SNAP25: variants seen among roughly 807,000 people sequenced by gnomAD.
SNAP25 encodes the protein synaptosome associated protein 25, also known as synaptosomal-associated protein 25.
SNAP25 carries 3 observed loss-of-function variants against 28.7 expected under a neutral mutation model. The ratio of observed to expected loss-of-function variants is 0.10; its 90% confidence interval spans 0.05 to 0.27. The LOEUF (loss-of-function observed/expected upper bound fraction) is 0.27. SNAP25 is among the 10% of genes least tolerant of loss of function. The pLI, the probability that SNAP25 is intolerant of heterozygous loss-of-function variation, is 1.00. For missense variants in SNAP25, 117 were observed against 278.7 expected, an observed-to-expected ratio of 0.42 and a Z score of 4.13; for synonymous variants, 61 against 88.1, an observed-to-expected ratio of 0.69 and a Z score of 1.72.
At chr20:10,233,992 G>A (rs2062872853) in intron 1 of SNAP25, among the ~76,000 whole-genome samples, 1 of 152,142 alleles carries the variant, frequency 6.6e-6, no homozygotes, top group Non-Finnish European at 1.5e-5. Flanking sequence ...CAGTGAAGCA[G>A]GCGAAGTTCC....
intron 5 of SNAP25, among the ~76,000 whole-genome samples, chr20:10,296,029 T>A (rs1600781997): frequency 6.6e-6 from 1 of 152,188 alleles, no homozygotes; most frequent in African/African-American, 2.4e-5. Context: ...GCGTTTCAAA[T>A]CCTCATGAAG....
At chr20:10,295,059 C>T (rs1195085613) in intron 5 of SNAP25, among the ~76,000 whole-genome samples, 1 of 152,226 alleles carries the variant, frequency 6.6e-6, no homozygotes, top group Non-Finnish European at 1.5e-5. Context: ...GCACAAGAGA[C>T]CCTAAACTAA....
chr20:10,242,190 C>A (rs1332062644), intron 1 of SNAP25, among the ~76,000 whole-genome samples: 1 of 152,108 alleles, frequency 6.6e-6, no homozygotes, highest in Non-Finnish European at 1.5e-5. Flanking sequence ...TCAAGTGAAA[C>A]CTATGTAAGA....
intron 1 of SNAP25, among the ~76,000 whole-genome samples, chr20:10,247,223 T>A (rs1233167158): frequency 6.6e-6 from 1 of 152,254 alleles, no homozygotes; most frequent in Non-Finnish European, 1.5e-5. Context: ...CCCAGAAGGC[T>A]GCCCCTGAGC....
At chr20:10,267,982 C>T (rs1568603048) in intron 1 of SNAP25, among the ~76,000 whole-genome samples, 1 of 152,122 alleles carries the variant, frequency 6.6e-6, no homozygotes, top group Non-Finnish European at 1.5e-5. Flanking sequence ...TAATAGTTAC[C>T]GCTAAGCCTG....
chr20:10,231,047 A>G (rs1278919963), intron 1 of SNAP25, among the ~76,000 whole-genome samples: 1 of 152,136 alleles, frequency 6.6e-6, no homozygotes, highest in African/African-American at 2.4e-5. Context: ...GTCCCAGCCC[A>G]TAGCCTCTGA....
intron 1 of SNAP25, among the ~76,000 whole-genome samples, chr20:10,269,621 G>A (rs2063558470): frequency 6.6e-6 from 1 of 152,156 alleles, no homozygotes; most frequent in African/African-American, 2.4e-5. Context: ...AATATTTTCT[G>A]CATAGAACCA....
chr20:10,244,160 G>A (rs1688342912), intron 1 of SNAP25, among the ~76,000 whole-genome samples: 1 of 152,148 alleles, frequency 6.6e-6, no homozygotes, highest in African/African-American at 2.4e-5. Flanking sequence ...TTTGACTATG[G>A]TGCAAACATT....
chr20:10,249,091 T>C lies in SNAP25; in HGVS notation c.-63-26338T>C, dbSNP rs571742047. On this transcript the variant is annotated intron_variant, in intron 1 of 7. Coordinates refer to ENST00000254976, the MANE Select transcript of SNAP25 (RefSeq NM_130811.4). ...TCCAGTTTACTCTCATGGAAAACAA[T>C]AACAGCCAACGTTTACTTCATTTGA... Among the ~76,000 whole-genome samples the C allele has an allele frequency of 6.2e-4, 95 of 152,354 alleles. No homozygotes were observed. In the Middle Eastern group the frequency reaches 0.01, roughly 16 times the overall value.
At chr20:10,264,047 T>C (rs944484627) in intron 1 of SNAP25, among the ~76,000 whole-genome samples, 7 of 152,024 alleles carry the variant, frequency 4.6e-5, no homozygotes, top group Non-Finnish European at 1.0e-4. Context: ...AAAAGAAACA[T>C]TGGCATTTTC....
rs1300969158 is a variant in SNAP25 at position 10,293,866 on chromosome 20, T to C, written c.281+588T>C. On this transcript the variant is annotated intron_variant, in intron 5 of 7. Transcript: ENST00000254976. The surrounding 1 kb of genome is among the most constrained non-coding windows in gnomAD (Gnocchi z 5.6). ...AAGAAGTGCTCAAGCCTTACTCAAATTGGACCCATCCCTCCCAAATTTTTC... is the reference window on the plus strand; with the variant it reads ...AAGAAGTGCTCAAGCCTTACTCAAACTGGACCCATCCCTCCCAAATTTTTC... Among the ~76,000 whole-genome samples, 5 of 152,168 alleles carry C rather than the reference T, an allele frequency of 3.3e-5. No individual in the cohort carries two copies. The South Asian group carries it at 8.3e-4, about 25-fold the overall frequency.
chr20:10,245,782 G>A (rs554225725), intron 1 of SNAP25, among the ~76,000 whole-genome samples: 6 of 152,248 alleles, frequency 3.9e-5, no homozygotes, highest in African/African-American at 1.4e-4. Context: ...TTATGATAAG[G>A]TGCCATAACT....
intron 1 of SNAP25, among the ~76,000 whole-genome samples, chr20:10,233,843 G>A (rs538490412): frequency 5.3e-4 from 80 of 152,056 alleles, no homozygotes; most frequent in Non-Finnish European, 8.1e-4. Flanking sequence ...GTTTGCCTGC[G>A]TGTAGCTTTT....
rs542584866 is a variant in SNAP25, at chr20:10,293,794, A to C, written c.281+516A>C. Among the ~76,000 whole-genome samples the C allele has an allele frequency of 6.6e-6, 1 of 152,310 alleles. No homozygotes were observed. The highest frequency in any genetic ancestry group is 6.5e-5 in the Admixed American group (1 of 15,306). On this transcript the variant is annotated intron_variant, in intron 5 of 7. Transcript: ENST00000254976. This position sits in a 1 kb window ranked among gnomAD's most constrained non-coding sequence, Gnocchi z 5.6. ...GCCCACCAGTTGCCAAATTTTGTCA[A>C]TAGATGCTGCCACTGCACCCAACAC...
intron 3 of SNAP25, chr20:10,278,172 GGT>G (rs1200477634): frequency 6.6e-6 from 1 of 152,560 alleles, no homozygotes; most frequent in Non-Finnish European, 1.5e-5. Flanking sequence ...TACGCATATA[GGT>G]GTATCATTTT....
At chr20:10,256,131 G>T (rs2063315286) in intron 1 of SNAP25, among the ~76,000 whole-genome samples, 1 of 152,198 alleles carries the variant, frequency 6.6e-6, no homozygotes, top group South Asian at 2.1e-4. Context: ...TTCCATAAAT[G>T]AGTAAGAGTT....
At chr20:10,276,884 T>A (rs1387673154) in intron 2 of SNAP25, among the ~76,000 whole-genome samples, 3 of 152,264 alleles carry the variant, frequency 2.0e-5, no homozygotes, top group Non-Finnish European at 2.9e-5. Flanking sequence ...ACCAGCAGAC[T>A]GCTGCTTGCA....
chr20:10,298,185 C>T (rs1458121011), intron 6 of SNAP25, among the ~76,000 whole-genome samples: 1 of 151,596 alleles, frequency 6.6e-6, no homozygotes, highest in Non-Finnish European at 1.5e-5. Flanking sequence ...GAGACACAAG[C>T]ACCTGTGGCC....
At position 10,293,026 on chromosome 20, in the gene SNAP25, T is replaced by C; in HGVS notation, c.164-135T>C. On this transcript the variant is annotated intron_variant, in intron 4 of 7. Coordinates refer to ENST00000254976, the MANE Select transcript of SNAP25 (RefSeq NM_130811.4). The surrounding 1 kb of genome is among the most constrained non-coding windows in gnomAD (Gnocchi z 5.6). ...TAGGTACTGGGTACCAGCTCTAATC[T>C]GTGGCGTCCAGTTTTCTTTCTTTTT... is the stretch of plus-strand genomic sequence containing the variant. 1 of 1,485,896 alleles carries C rather than the reference T, an allele frequency of 6.7e-7. No homozygotes were observed. The highest frequency in any genetic ancestry group is 9.2e-7 in the Non-Finnish European group (1 of 1,091,508). The allele number at this position is 1,485,896 out of a possible 1,614,324, so 92.0% of individuals were successfully genotyped here. A position where few individuals can be genotyped will look rare whatever the true frequency, so the allele number is the denominator to read the frequency against.
Sources: allele counts gnomAD v4.1 joint callset (sites outside exome capture counted in the v4.1 genomes callset), GRCh38; gene constraint gnomAD v4.1.1; non-coding constraint Gnocchi (gnomAD v3.1); transcripts MANE v1.5; gene names NCBI Gene and HGNC (gene_info 2026-07-23, HGNC 2026-07-21).